NCR1: variants seen among roughly 807,000 people sequenced by gnomAD.
The protein encoded by NCR1 is NK cell-activating receptor.
Under a neutral mutation model 32.5 loss-of-function variants are expected in NCR1, and 30 were observed. The ratio of observed to expected loss-of-function variants is 0.92; its 90% CI spans 0.69 to 1.25. The LOEUF (loss-of-function observed/expected upper bound fraction) is 1.25, where lower values mean the gene tolerates loss of function less well. Ranked by LOEUF, NCR1 falls within the 50% of genes most tolerant of loss-of-function variation. The probability of loss-of-function intolerance (pLI) is 0.00; values close to 1 mark genes in which losing one functional copy is unlikely to be tolerated. For missense variants in NCR1, 369 were observed against 380.7 expected, an observed-to-expected ratio of 0.97 and a Z score of 0.26; for synonymous variants, 169 against 143.4, an observed-to-expected ratio of 1.18 and a Z score of -1.28.
the NCR1 span, chr19:54,936,211 C>T: frequency 2.6e-6 from 4 of 1,530,540 alleles, no homozygotes; most frequent in Non-Finnish European, 3.6e-6. Flanking sequence ...CCCAGCAACA[C>T]GGTGCAGTGG....
chr19:54,903,449 T>TACACGC (rs2067359138), upstream of NCR1, among the ~76,000 whole-genome samples: 1 of 114,796 alleles, frequency 8.7e-6, no homozygotes, highest in African/African-American at 3.3e-5. Flanking sequence ...CATGTATGTA[T>TACACGC]ATACATATAT....
At chr19:54,931,683 CT>C in the NCR1 span, among the ~76,000 whole-genome samples, 1 of 113,832 alleles carries the variant, frequency 8.8e-6, no homozygotes, top group African/African-American at 3.8e-5. Flanking sequence ...GAAACTCCAT[CT>C]CAAAAAAAAA....
At chr19:54,936,544 G>A in the NCR1 span, 269 of 927,336 alleles carry the variant, frequency 2.9e-4, no homozygotes, top group African/African-American at 1.7e-3. Flanking sequence ...GTTCTTGGCC[G>A]GGTGCAGTGG....
At chr19:54,919,892 C>T (rs961307239), downstream of NCR1, among the ~76,000 whole-genome samples, 3 of 152,178 alleles carry the variant, frequency 2.0e-5, no homozygotes, top group Admixed American at 6.5e-5. Flanking sequence ...ACAGAAGGCT[C>T]GCACTCTTGT....
chr19:54,936,894 A>AAC, the NCR1 span, among the ~76,000 whole-genome samples: 1 of 151,698 alleles, frequency 6.6e-6, no homozygotes, highest in African/African-American at 2.4e-5. Flanking sequence ...CAGCCTGGGC[A>AAC]ACAGAGCAAG....
the NCR1 span, chr19:54,927,775 G>A: frequency 7.4e-6 from 12 of 1,613,606 alleles, no homozygotes; most frequent in Admixed American, 1.8e-4. Flanking sequence ...AGCTCCAGAG[G>A]CTGTTGAGGA....
the NCR1 span, among the ~76,000 whole-genome samples, chr19:54,935,968 A>G: frequency 1.3e-5 from 2 of 152,152 alleles, no homozygotes; most frequent in Non-Finnish European, 2.9e-5. Context: ...GCTGGGGGCC[A>G]CTGCTCTCAA....
chr19:54,936,148 T>C, the NCR1 span: 5 of 911,742 alleles, frequency 5.5e-6, no homozygotes, highest in Non-Finnish European at 8.9e-6. Flanking sequence ...GTTTGAGGAA[T>C]ACATTCCCTG....
the NCR1 span, among the ~76,000 whole-genome samples, chr19:54,898,935 G>A: frequency 6.6e-4 from 100 of 152,194 alleles, no homozygotes; most frequent in African/African-American, 2.1e-3. Context: ...GTGGAGGAGC[G>A]GAGGCTGAGG....
At chr19:54,926,974 C>T in the NCR1 span, among the ~76,000 whole-genome samples, 2 of 149,116 alleles carry the variant, frequency 1.3e-5, no homozygotes, top group African/African-American at 2.5e-5. Context: ...CCTGTAATCC[C>T]AGCTACTCAG....
the NCR1 span, among the ~76,000 whole-genome samples, chr19:54,899,650 TG>T: frequency 1.3e-5 from 2 of 151,398 alleles, no homozygotes; most frequent in Admixed American, 1.3e-4. Flanking sequence ...GAGAAGGGGT[TG>T]GGGGGTTCTT....
chr19:54,900,625 C>T, the NCR1 span, among the ~76,000 whole-genome samples: 1 of 152,108 alleles, frequency 6.6e-6, no homozygotes, highest in Admixed American at 6.6e-5. Context: ...TGGTGATCCG[C>T]ACACCTCGGC....
At chr19:54,904,469 C>T (rs934235732), upstream of NCR1, among the ~76,000 whole-genome samples, 1 of 151,418 alleles carries the variant, frequency 6.6e-6, no homozygotes, top group African/African-American at 2.4e-5. Flanking sequence ...TTGCTCCCCT[C>T]CTTACCCAAT....
chr19:54,934,337 G>C, the NCR1 span: 1 of 804,258 alleles, frequency 1.2e-6, no homozygotes, highest in Admixed American at 1.8e-5. This position sits in a 1 kb window ranked among gnomAD's most constrained non-coding sequence, Gnocchi z 6.7. Context: ...TCTCTGCTGA[G>C]ATTACAGGCA....
At chr19:54,902,322 C>G (rs2067314815), upstream of NCR1, among the ~76,000 whole-genome samples, 1 of 150,790 alleles carries the variant, frequency 6.6e-6, no homozygotes, top group Admixed American at 6.6e-5. Flanking sequence ...TTTTTATAGA[C>G]AGGGTAACAC....
At chr19:54,922,871 AAC>A in the NCR1 span, among the ~76,000 whole-genome samples, 14 of 151,330 alleles carry the variant, frequency 9.3e-5, no homozygotes, top group African/African-American at 2.4e-4. Context: ...CACACAGAGA[AAC>A]ACAGACAGAC....
At chr19:54,899,638 A>G in the NCR1 span, among the ~76,000 whole-genome samples, 2 of 151,958 alleles carry the variant, frequency 1.3e-5, no homozygotes, top group African/African-American at 4.8e-5. Flanking sequence ...CTAAGGGTGA[A>G]GGAGAAGGGG....
the NCR1 span, among the ~76,000 whole-genome samples, chr19:54,926,351 A>C: frequency 3.5e-4 from 53 of 152,318 alleles, no homozygotes; most frequent in Middle Eastern, 6.8e-3. Flanking sequence ...AGAGCATTTT[A>C]GAAAAGTATC....
At chr19:54,936,809 G>A in the NCR1 span, among the ~76,000 whole-genome samples, 1 of 152,096 alleles carries the variant, frequency 6.6e-6, no homozygotes, top group Non-Finnish European at 1.5e-5. Context: ...CAGGTATTCG[G>A]GAGGCTGAGG....
Sources: gnomAD v4.1 joint callset for allele counts (sites outside exome capture counted in the v4.1 genomes callset) on GRCh38, gnomAD v4.1.1 for gene constraint, Gnocchi (gnomAD v3.1) non-coding constraint, MANE v1.5 for transcripts, NCBI Gene and HGNC (gene_info 2026-07-23, HGNC 2026-07-21) for gene names.